Variants in PCDHGA4 observed in about 807,000 individuals in gnomAD.
The protein encoded by PCDHGA4 is protocadherin gamma subfamily A, 4.
A neutral mutation model predicts 54.6 loss-of-function variants in PCDHGA4; 38 were observed. The ratio of observed to expected loss-of-function variants is 0.70; its 90% CI spans 0.54 to 0.91. The LOEUF (loss-of-function observed/expected upper bound fraction) is 0.91. Among genes scored for constraint, PCDHGA4 ranks in the 40% least tolerant of loss-of-function variants. The pLI, the probability that PCDHGA4 is intolerant of heterozygous loss-of-function variation, is 0.00. For missense variants in PCDHGA4, 1,298 were observed against 1,220.9 expected, an observed-to-expected ratio of 1.06 and a Z score of -0.94; for synonymous variants, 511 against 512.9, an observed-to-expected ratio of 1.00 and a Z score of 0.05.
At chr5:141,471,492 G>A (rs912591449) in intron 1 of PCDHGA4, 1 of 152,176 alleles carries the variant, frequency 6.6e-6, no homozygotes, top group Non-Finnish European at 1.5e-5. Context: ...GGAATTTAGG[G>A]AATGCAAGAG....
chr5:141,375,770 C>T, intron 1 of PCDHGA4: 1 of 1,614,268 alleles, frequency 6.2e-7, no homozygotes, highest in East Asian at 2.2e-5. Flanking sequence ...GCCCGAGATC[C>T]TGTACCCCGC....
intron 1 of PCDHGA4, chr5:141,388,696 AGG>A (rs1404425662): frequency 1.2e-6 from 2 of 1,613,882 alleles, no homozygotes; most frequent in Non-Finnish European, 1.7e-6. Flanking sequence ...GACCAGGATG[AGG>A]GTGTCAATGC....
chr5:141,384,769 G>C (rs778610936), intron 1 of PCDHGA4: 1 of 1,613,914 alleles, frequency 6.2e-7, no homozygotes, highest in Non-Finnish European at 8.5e-7. Context: ...GCTGTACACG[G>C]GCGAGGTGCG....
At chr5:141,502,291 G>A (rs1346186675) in intron 2 of PCDHGA4, among the ~76,000 whole-genome samples, 1 of 151,370 alleles carries the variant, frequency 6.6e-6, no homozygotes, top group African/African-American at 2.5e-5. Context: ...GCATTTGGTT[G>A]TCACGTCTTT....
intron 1 of PCDHGA4, among the ~76,000 whole-genome samples, chr5:141,444,408 T>G (rs1591815532): frequency 6.6e-6 from 1 of 152,124 alleles, no homozygotes; most frequent in East Asian, 1.9e-4. Context: ...CAACCTCAGG[T>G]GATCTTCCCT....
chr5:141,499,634 C>A (rs1194596079), intron 2 of PCDHGA4, among the ~76,000 whole-genome samples: 1 of 151,220 alleles, frequency 6.6e-6, no homozygotes, highest in Non-Finnish European at 1.5e-5. Flanking sequence ...TCTTTTGAAG[C>A]AAATCTCAGA....
At chr5:141,393,602 T>G in intron 1 of PCDHGA4, 1 of 1,613,892 alleles carries the variant, frequency 6.2e-7, no homozygotes, top group Non-Finnish European at 8.5e-7. Context: ...GGCTGCTTAC[T>G]GTAACAGCCA....
intron 2 of PCDHGA4, among the ~76,000 whole-genome samples, chr5:141,502,428 A>C (rs2099814217): frequency 6.6e-6 from 1 of 151,978 alleles, no homozygotes; most frequent in South Asian, 2.1e-4. Flanking sequence ...CTATTCTCTG[A>C]TGGTTAGATT....
At chr5:141,374,447 G>C in intron 1 of PCDHGA4, 1 of 1,613,798 alleles carries the variant, frequency 6.2e-7, no homozygotes, top group Non-Finnish European at 8.5e-7. Flanking sequence ...CGTGGAAGTG[G>C]AAATAGTGGA....
chr5:141,477,708 G>T lies in PCDHGA4; in HGVS notation c.2515-17099G>T. ...GTGCCCCTAGACTATGAGGATCGGC[G>T]GGAATTTGAATTAACAGCTCATATC... On this transcript the variant is annotated intron_variant, in intron 1 of 3. Transcript: ENST00000571252. The surrounding 1 kb of genome is among the most constrained non-coding windows in gnomAD (Gnocchi z 4.9). 2 of 1,613,930 alleles carry T rather than the reference G, an allele frequency of 1.2e-6. No individual in the cohort carries two copies. Among genetic ancestry groups the T allele is most frequent in the Non-Finnish European group, 1.7e-6 (2 of 1,180,030 alleles).
In PCDHGA4 at chr5:141,490,211, ACCAGGGACAG is replaced by A. The variant is rs1259297201; in HGVS notation, c.2515-4593_2515-4584del. 1 of 1,614,212 alleles carries A rather than the reference ACCAGGGACAG, an allele frequency of 6.2e-7. No individual in the cohort carries two copies. ...TATGAAATTCATGCAAGAGCCCGTG[ACCAGGGACAG>A]CCTGCCATGGAGGGCCACTGTGTGA... is the stretch of plus-strand genomic sequence containing the variant. On this transcript the variant is annotated intron_variant, in intron 1 of 3. Transcript: ENST00000571252. The surrounding 1 kb of genome is among the most constrained non-coding windows in gnomAD (Gnocchi z 5.4).
intron 1 of PCDHGA4, chr5:141,382,835 CG>C: frequency 7.0e-7 from 1 of 1,431,186 alleles, no homozygotes. Context: ...GGGGTCCACC[CG>C]GATACACCCG....
intron 1 of PCDHGA4, chr5:141,372,083 G>T (rs1381793721): frequency 6.2e-7 from 1 of 1,613,756 alleles, no homozygotes. Context: ...CGCTGGTGCT[G>T]TACCCAGCTC....
intron 1 of PCDHGA4, chr5:141,413,303 T>G (rs772421197): frequency 6.8e-6 from 11 of 1,613,942 alleles, no homozygotes; most frequent in Middle Eastern, 3.3e-4. Flanking sequence ...CCTGAGGAAT[T>G]AGAGAAAGGC....
intron 1 of PCDHGA4, chr5:141,360,169 C>T: frequency 1.9e-6 from 3 of 1,607,588 alleles, no homozygotes; most frequent in Admixed American, 1.7e-5. Context: ...CGGGCTGGTG[C>T]GGTGGCTGCA....
At chr5:141,401,076 G>T (rs1589429931) in intron 1 of PCDHGA4, among the ~76,000 whole-genome samples, 1 of 152,174 alleles carries the variant, frequency 6.6e-6, no homozygotes, top group Non-Finnish European at 1.5e-5. Context: ...GGGTGCAGTG[G>T]CTCATGCCTG....
At chr5:141,375,170 G>A in intron 1 of PCDHGA4, 2 of 1,613,964 alleles carry the variant, frequency 1.2e-6, no homozygotes, top group Admixed American at 1.7e-5. Context: ...TGCACCTCCA[G>A]GAACAGTAAT....
intron 1 of PCDHGA4, among the ~76,000 whole-genome samples, chr5:141,488,675 T>C (rs888235928): frequency 2.6e-5 from 4 of 152,116 alleles, no homozygotes; most frequent in Admixed American, 1.3e-4. Flanking sequence ...TACATGGGCT[T>C]TGCCTCTCCC....
At chr5:141,449,537 C>A (rs1377909573) in intron 1 of PCDHGA4, among the ~76,000 whole-genome samples, 1 of 146,334 alleles carries the variant, frequency 6.8e-6, no homozygotes, top group Non-Finnish European at 1.5e-5. Flanking sequence ...TGCAGTGAGC[C>A]GAGATCGCAC....
Sources: gnomAD v4.1 joint callset for allele counts (sites outside exome capture counted in the v4.1 genomes callset) on GRCh38, gnomAD v4.1.1 for gene constraint, Gnocchi (gnomAD v3.1) non-coding constraint, MANE v1.5 for transcripts, NCBI Gene and HGNC (gene_info 2026-07-23, HGNC 2026-07-21) for gene names.